DNER: variants seen among roughly 807,000 people sequenced by gnomAD.
The protein encoded by DNER is delta/notch like EGF repeat containing.
Under a neutral mutation model 78.2 loss-of-function variants are expected in DNER, and 33 were observed. That is an observed-to-expected ratio of 0.42 (90% CI 0.32 to 0.56). DNER has a LOEUF of 0.56. DNER is among the 20% of genes least tolerant of loss of function. The pLI is 0.11. For missense variants in DNER, 918 were observed against 975.3 expected (o/e 0.94, Z 0.78); for synonymous variants, 417 against 384.8 (o/e 1.08, Z -0.98).
At chr2:229,595,408 A>G (rs1173118422) in intron 1 of DNER, among the ~76,000 whole-genome samples, 3 of 151,956 alleles carry the variant, frequency 2.0e-5, no homozygotes, top group Non-Finnish European at 4.4e-5. Flanking sequence ...CAGCCTCCCA[A>G]GTAGCTGGGA....
chr2:229,440,115 T>A (rs896326710), intron 8 of DNER, among the ~76,000 whole-genome samples: 7 of 152,140 alleles, frequency 4.6e-5, no homozygotes, highest in Non-Finnish European at 1.0e-4. Context: ...ATATCAGGAA[T>A]CTCATAAAAA....
At chr2:229,668,103 T>C (rs6756438) in intron 1 of DNER, among the ~76,000 whole-genome samples, 31,417 of 151,944 alleles carry the variant, frequency 0.21, 5,640 homozygotes, top group African/African-American at 0.49. Context: ...ATTGAGAAAA[T>C]GTTGAGATCA....
At chr2:229,541,671 A>G (rs1239470916) in intron 5 of DNER, among the ~76,000 whole-genome samples, 1 of 151,930 alleles carries the variant, frequency 6.6e-6, no homozygotes, top group Non-Finnish European at 1.5e-5. Flanking sequence ...AAAGACCCAA[A>G]GAGAACAAAA....
chr2:229,441,745 T>G (rs1316878820), intron 8 of DNER, among the ~76,000 whole-genome samples: 1 of 152,198 alleles, frequency 6.6e-6, no homozygotes, highest in East Asian at 1.9e-4. Context: ...TTTGCCTGAC[T>G]CTATCATAGC....
chr2:229,644,274 G>T lies in DNER; in HGVS notation c.277-52386C>A, dbSNP rs1363589513. On this transcript the variant is annotated intron_variant, in intron 1 of 12. Transcript: ENST00000341772. ...TGGGGTATCCATCCCCTCAAGCATG[G>T]TCACTATACTTTGCTTAAATACCCT... Among the ~76,000 whole-genome samples, 3 of 151,322 alleles carry T rather than the reference G, an allele frequency of 2.0e-5. No individual in the cohort carries two copies. The East Asian group carries it at 5.8e-4, about 29-fold the overall frequency.
At chr2:229,712,790 C>T (rs73097225) in intron 1 of DNER, among the ~76,000 whole-genome samples, 2 of 152,050 alleles carry the variant, frequency 1.3e-5, no homozygotes, top group Non-Finnish European at 2.9e-5. Flanking sequence ...CTTCCTCCTC[C>T]TCATCACCTC....
intron 4 of DNER, among the ~76,000 whole-genome samples, chr2:229,578,087 C>T (rs955751378): frequency 6.6e-6 from 1 of 152,326 alleles, no homozygotes; most frequent in Non-Finnish European, 1.5e-5. Context: ...ACCCTCAGCT[C>T]TTCACAGTAC....
In DNER at chr2:229,374,726, A is replaced by G. The variant is rs188362029; in HGVS notation, c.1856-7607T>C. Reference sequence around the variant, plus strand: ...GGTTCTAAAGCCACACACTTCAATCAATAAGGAATGTTTTGCAAACTGTAG... The same window carrying G: ...GGTTCTAAAGCCACACACTTCAATCGATAAGGAATGTTTTGCAAACTGTAG... On this transcript the variant is annotated intron_variant, in intron 11 of 12. Transcript: ENST00000341772. Among the ~76,000 whole-genome samples, 212 of 152,304 alleles carry G rather than the reference A, an allele frequency of 1.4e-3. 1 individual carries two copies. The highest frequency in any genetic ancestry group is 4.7e-3 in the African/African-American group (196 of 41,570).
At chr2:229,673,497 T>C (rs936730935) in intron 1 of DNER, among the ~76,000 whole-genome samples, 1 of 152,158 alleles carries the variant, frequency 6.6e-6, no homozygotes, top group African/African-American at 2.4e-5. Flanking sequence ...TTTTCAAACT[T>C]AGAATCATTA....
intron 1 of DNER, among the ~76,000 whole-genome samples, chr2:229,617,293 A>T (rs1698182997): frequency 6.6e-6 from 1 of 152,208 alleles, no homozygotes; most frequent in Non-Finnish European, 1.5e-5. Flanking sequence ...AATAATTGCA[A>T]CCTAATTGTG....
At chr2:229,598,422 C>T (rs1323565558) in intron 1 of DNER, among the ~76,000 whole-genome samples, 1 of 152,186 alleles carries the variant, frequency 6.6e-6, no homozygotes, top group Non-Finnish European at 1.5e-5. Context: ...AGCTCACAGT[C>T]CAATAGATGA....
intron 4 of DNER, among the ~76,000 whole-genome samples, chr2:229,585,452 G>C (rs1022822145): frequency 6.6e-6 from 1 of 152,152 alleles, no homozygotes; most frequent in African/African-American, 2.4e-5. Flanking sequence ...CCTGAGGTCA[G>C]GATTTCAAGA....
At chr2:229,414,891 A>C (rs1273347615) in intron 9 of DNER, among the ~76,000 whole-genome samples, 1 of 152,170 alleles carries the variant, frequency 6.6e-6, no homozygotes, top group Non-Finnish European at 1.5e-5. Flanking sequence ...GGCTGGGTGC[A>C]GTGGCTCATG....
chr2:229,646,329 A>T (rs1411683575), intron 1 of DNER, among the ~76,000 whole-genome samples: 3 of 152,248 alleles, frequency 2.0e-5, no homozygotes, highest in Non-Finnish European at 4.4e-5. Flanking sequence ...TCGCCAAAAA[A>T]CGATTTGGAA....
intron 5 of DNER, among the ~76,000 whole-genome samples, chr2:229,524,062 G>T (rs757923048): frequency 6.6e-6 from 1 of 152,220 alleles, no homozygotes; most frequent in Admixed American, 6.5e-5. Flanking sequence ...TATATTTGAG[G>T]TAACTGAGGC....
At chr2:229,463,299 T>C (rs1382986130) in intron 7 of DNER, among the ~76,000 whole-genome samples, 1 of 152,124 alleles carries the variant, frequency 6.6e-6, no homozygotes, top group African/African-American at 2.4e-5. Context: ...CAACACAATA[T>C]AGTTAGGAAA....
intron 5 of DNER, among the ~76,000 whole-genome samples, chr2:229,518,542 G>T (rs1302934551): frequency 6.6e-6 from 1 of 152,236 alleles, no homozygotes; most frequent in African/African-American, 2.4e-5. Context: ...TCAAAGTCTA[G>T]TTGGGAAGAC....
At chr2:229,565,244 T>C (rs1218193409) in intron 4 of DNER, among the ~76,000 whole-genome samples, 1 of 152,218 alleles carries the variant, frequency 6.6e-6, no homozygotes, top group Non-Finnish European at 1.5e-5. Flanking sequence ...TGGAGGTCAT[T>C]CAGAGAGTCC....
At chr2:229,710,204 C>T (rs148459544) in intron 1 of DNER, among the ~76,000 whole-genome samples, 71 of 152,308 alleles carry the variant, frequency 4.7e-4, no homozygotes, top group African/African-American at 1.6e-3. Context: ...GCTGAGCACA[C>T]TCATACAAGC....
Sources: allele counts gnomAD v4.1 joint callset (sites outside exome capture counted in the v4.1 genomes callset), GRCh38; gene constraint gnomAD v4.1.1; transcripts MANE v1.5; gene names NCBI Gene and HGNC (gene_info 2026-07-23, HGNC 2026-07-21).